The following KPNA1 variants were observed in gnomAD, a reference collection of about 807,000 sequenced individuals.
KPNA1 encodes karyopherin subunit alpha 1, also known as importin subunit alpha-5.
Under a neutral mutation model 70.5 loss-of-function variants are expected in KPNA1, and 10 were observed. The observed-to-expected ratio is 0.14, with a 90% CI of 0.09 to 0.24. The LOEUF is 0.24. Ranked by LOEUF, KPNA1 falls within the 10% of genes least tolerant of loss-of-function variation. The pLI is 1.00. For missense variants in KPNA1, 397 were observed against 637.9 expected, an observed-to-expected ratio of 0.62 and a Z score of 4.07; for synonymous variants, 192 against 221.9, an observed-to-expected ratio of 0.87 and a Z score of 1.20.
Position 122,452,073 on chromosome 3 carries a change from G to C in KPNA1, c.565-9C>G. ...CCAAGAGCCCAGACTGCCTGTGAAAGAATCATTCATTAATAAAGGTTACAT... is the reference window on the plus strand; with the variant it reads ...CCAAGAGCCCAGACTGCCTGTGAAACAATCATTCATTAATAAAGGTTACAT... On this transcript the variant is annotated splice_polypyrimidine_tract_variant and intron_variant, in intron 6 of 13. Transcript: ENST00000344337. 1 of 1,571,448 alleles carries C rather than the reference G, an allele frequency of 6.4e-7. No homozygotes were observed. The highest frequency in any genetic ancestry group is 8.8e-7 in the Non-Finnish European group (1 of 1,141,920).
At chr3:122,490,719 C>A (rs767344148) in intron 2 of KPNA1, among the ~76,000 whole-genome samples, 1 of 152,162 alleles carries the variant, frequency 6.6e-6, no homozygotes, top group Non-Finnish European at 1.5e-5. Flanking sequence ...CCAGTGCTCA[C>A]TGCAAAAAGG....
At chr3:122,449,232 G>A (rs1416660124) in intron 9 of KPNA1, among the ~76,000 whole-genome samples, 6 of 152,182 alleles carry the variant, frequency 3.9e-5, no homozygotes, top group Admixed American at 3.9e-4. Context: ...AGCTCTAAAT[G>A]AGACAGACAG....
At chr3:122,434,072 G>A (rs1261055064) in intron 11 of KPNA1, among the ~76,000 whole-genome samples, 2 of 152,060 alleles carry the variant, frequency 1.3e-5, no homozygotes, top group African/African-American at 4.8e-5. Flanking sequence ...GGGTAGCTGG[G>A]ACTACAGGTG....
intron 5 of KPNA1, among the ~76,000 whole-genome samples, chr3:122,454,353 C>T (rs1007177152): frequency 3.9e-5 from 6 of 151,992 alleles, no homozygotes; most frequent in Non-Finnish European, 1.5e-5. Flanking sequence ...TTTCTAAAAG[C>T]GTTAAAAAGG....
intron 11 of KPNA1, among the ~76,000 whole-genome samples, chr3:122,435,272 C>CGA (rs2075970146): frequency 6.6e-6 from 1 of 152,172 alleles, no homozygotes; most frequent in African/African-American, 2.4e-5. Flanking sequence ...CCAAGGCCCT[C>CGA]TATGTCTGTG....
intron 1 of KPNA1, among the ~76,000 whole-genome samples, chr3:122,513,366 C>G (rs2076977291): frequency 6.6e-6 from 1 of 152,210 alleles, no homozygotes; most frequent in African/African-American, 2.4e-5. Context: ...AAAACAGTGT[C>G]TTCCAAGAAT....
At chr3:122,505,274 C>CAAAAA (rs376502610) in intron 1 of KPNA1, among the ~76,000 whole-genome samples, 1 of 99,498 alleles carries the variant, frequency 1.0e-5, no homozygotes, top group African/African-American at 4.1e-5. Flanking sequence ...CTGCATGCCT[C>CAAAAA]AAAAAAAAAA....
At chr3:122,459,507 C>T in intron 5 of KPNA1, 1 of 985,446 alleles carries the variant, frequency 1.0e-6, no homozygotes, top group Non-Finnish European at 1.2e-6. Context: ...CCCTCTGGTT[C>T]TCGGCAGGTT....
chr3:122,510,402 G>A (rs1352237430), intron 1 of KPNA1, among the ~76,000 whole-genome samples: 1 of 152,172 alleles, frequency 6.6e-6, no homozygotes, highest in Admixed American at 6.5e-5. Flanking sequence ...GAGGTTCCAG[G>A]TTAGCTGTCT....
intron 2 of KPNA1, among the ~76,000 whole-genome samples, chr3:122,490,362 T>C (rs2076684261): frequency 6.6e-6 from 1 of 152,250 alleles, no homozygotes; most frequent in Non-Finnish European, 1.5e-5. Context: ...TCTTTAGAGA[T>C]CACTATCTTC....
chr3:122,489,291 TTTTG>T (rs796933354), intron 2 of KPNA1, among the ~76,000 whole-genome samples: 76 of 135,538 alleles, frequency 5.6e-4, no homozygotes, highest in African/African-American at 1.6e-3. Context: ...GTTTGTTTTT[TTTTG>T]TTTGTTTTTT....
Position 122,433,713 on chromosome 3 carries a change from C to T in KPNA1, c.1198G>A (p.Ala400Thr), listed in dbSNP as rs781186250. The T allele has an allele frequency of 3.1e-6, 5 of 1,613,670 alleles. No homozygotes were observed. In the Admixed American group the frequency reaches 8.3e-5, roughly 27 times the overall value. The change falls in exon 12 of 14, where the codon GCA becomes ACA. Residue 400 changes from alanine (A) to threonine (T), a missense_variant. Coordinates refer to ENST00000344337, the MANE Select transcript of KPNA1 (RefSeq NM_002264.4). Reference protein sequence around the residue: ...QTAEFRTRKEAAWAITNATSG... With the variant: ...QTAEFRTRKETAWAITNATSG... ...GTTGCATTTGTGATGGCCCAAGCTGCTTCTTTTCTTGTCCGAAATTCAGCA... is the reference window on the plus strand; with the variant it reads ...GTTGCATTTGTGATGGCCCAAGCTGTTTCTTTTCTTGTCCGAAATTCAGCA...
At position 122,451,579 on chromosome 3, in the gene KPNA1, C is replaced by T; in HGVS notation, c.708G>A (p.Leu236=). The change falls in exon 8 of 14, where the codon TTG becomes TTA. Residue 236 remains leucine (L), a synonymous_variant. Transcript: ENST00000344337. ...GACTTTTCCCTCTACAGAGATTAGA[C>T]AAAGCCCATACTGCATTCCGGGTCA... ...LTMTRNAVWA[L]SNLCRGKSPP... The T allele has an allele frequency of 3.1e-6, 5 of 1,613,988 alleles. No homozygotes were observed. Among genetic ancestry groups the T allele is most frequent in the Non-Finnish European group, 4.2e-6 (5 of 1,179,948 alleles).
intron 2 of KPNA1, among the ~76,000 whole-genome samples, chr3:122,481,317 G>A (rs1185459630): frequency 1.3e-5 from 2 of 152,182 alleles, no homozygotes; most frequent in African/African-American, 4.8e-5. Flanking sequence ...TGGTATATCT[G>A]CACAATGGAA....
intron 1 of KPNA1, among the ~76,000 whole-genome samples, chr3:122,509,878 A>G (rs1038042194): frequency 2.6e-5 from 4 of 152,212 alleles, no homozygotes; most frequent in African/African-American, 9.6e-5. Flanking sequence ...CCCAGCTTAT[A>G]AAGGTCCATG....
chr3:122,481,857 A>G (rs548267831), intron 2 of KPNA1, among the ~76,000 whole-genome samples: 8 of 152,374 alleles, frequency 5.3e-5, no homozygotes, highest in African/African-American at 1.4e-4. Context: ...AAACATTTAT[A>G]TATCTATTCA....
chr3:122,476,861 C>CAAAAAAAAAAAAAAAAAAAAAAAAAAAAA lies in KPNA1; in HGVS notation c.130-9433_130-9432insTTTTTTTTTTTTTTTTTTTTTTTTTTTTT, dbSNP rs144118691. Among the ~76,000 whole-genome samples, 56 of 65,500 alleles carry CAAAAAAAAAAAAAAAAAAAAAAAAAAAAA rather than the reference C, an allele frequency of 8.5e-4. 6 individuals carry two copies. The highest frequency in any genetic ancestry group is 3.4e-3 in the East Asian group (4 of 1,190). The allele number at this position is 65,500 out of a possible 152,430, so 43.0% of individuals were successfully genotyped here. ...TATGAAAAACAGTATGGAGGTTCCA[C>CAAAAAAAAAAAAAAAAAAAAAAAAAAAAA]AAAAAAAAAAAAAAAAAAAAAAACT... On this transcript the variant is annotated intron_variant, in intron 2 of 13. Coordinates refer to ENST00000344337, the MANE Select transcript of KPNA1 (RefSeq NM_002264.4).
Position 122,425,363 on chromosome 3 carries a change from T to G in KPNA1, c.*1622A>C, listed in dbSNP as rs796484174. The G allele has an allele frequency of 3.3e-5, 5 of 152,740 alleles. No individual in the cohort carries two copies. The highest frequency in any genetic ancestry group is 1.2e-4 in the African/African-American group (5 of 41,562). The allele number at this position is 152,740 out of a possible 1,614,324, so 9.5% of individuals were successfully genotyped here. A position where few individuals can be genotyped will look rare whatever the true frequency, so the allele number is the denominator to read the frequency against. On this transcript the variant is annotated 3_prime_UTR_variant, in exon 14 of 14. Transcript: ENST00000344337. Reference sequence around the variant, plus strand: ...TGTCAGGGGCAACTTCCAAATAGTTTTTACACTTTGGGGTTATAATGAATT... The same window carrying G: ...TGTCAGGGGCAACTTCCAAATAGTTGTTACACTTTGGGGTTATAATGAATT...
chr3:122,465,399 C>G (rs1190208246), intron 3 of KPNA1, among the ~76,000 whole-genome samples: 1 of 152,182 alleles, frequency 6.6e-6, no homozygotes, highest in Admixed American at 6.5e-5. Context: ...TGATCTAACA[C>G]AAAGCCTATT....
Sources: allele counts gnomAD v4.1 joint callset (sites outside exome capture counted in the v4.1 genomes callset), GRCh38; gene constraint gnomAD v4.1.1; transcripts MANE v1.5; gene names NCBI Gene and HGNC (gene_info 2026-07-23, HGNC 2026-07-21).